The following TNR variants were observed in gnomAD, a reference collection of about 807,000 sequenced individuals.
The protein encoded by TNR is tenascin-R.
Under a neutral mutation model 150.4 loss-of-function variants are expected in TNR, and 45 were observed. That is an observed-to-expected ratio of 0.30 (90% CI 0.24 to 0.38). TNR has a LOEUF of 0.38. Ranked by LOEUF, TNR falls within the 10% of genes least tolerant of loss-of-function variation. The pLI, the probability that TNR is intolerant of heterozygous loss-of-function variation, is 1.00. For missense variants in TNR, 1,544 were observed against 1,759.1 expected, an observed-to-expected ratio of 0.88 and a Z score of 2.19; for synonymous variants, 687 against 678.4, an observed-to-expected ratio of 1.01 and a Z score of -0.20.
intron 4 of TNR, among the ~76,000 whole-genome samples, chr1:175,399,638 T>C (rs1280802164): frequency 6.6e-6 from 1 of 152,160 alleles, no homozygotes; most frequent in South Asian, 2.1e-4. Flanking sequence ...TATATTGAAC[T>C]GTACTGCAAA....
intron 2 of TNR, among the ~76,000 whole-genome samples, chr1:175,454,558 C>T (rs774407266): frequency 6.6e-6 from 1 of 151,926 alleles, no homozygotes; most frequent in Admixed American, 6.6e-5. Context: ...GCAACCTCCC[C>T]TCTCCTGGGT....
At chr1:175,726,799 T>G (rs999247495) in intron 1 of TNR, among the ~76,000 whole-genome samples, 2 of 152,264 alleles carry the variant, frequency 1.3e-5, no homozygotes, top group African/African-American at 4.8e-5. Context: ...AAAAATTTAT[T>G]TGATAGCATG....
At chr1:175,636,368 G>C (rs923192746) in intron 1 of TNR, among the ~76,000 whole-genome samples, 4 of 152,068 alleles carry the variant, frequency 2.6e-5, no homozygotes, top group African/African-American at 9.7e-5. Flanking sequence ...CTCAGTCATA[G>C]TTTCTCCCTG....
At chr1:175,504,235 C>T (rs1274609790) in intron 2 of TNR, among the ~76,000 whole-genome samples, 3 of 152,144 alleles carry the variant, frequency 2.0e-5, no homozygotes, top group Non-Finnish European at 4.4e-5. Flanking sequence ...AACCAATACT[C>T]AATGAGTGGC....
chr1:175,741,710 G>A (rs1295747822), intron 1 of TNR, among the ~76,000 whole-genome samples: 1 of 152,146 alleles, frequency 6.6e-6, no homozygotes, highest in Non-Finnish European at 1.5e-5. Context: ...GAAAAGTGGT[G>A]CCATTTCACT....
chr1:175,659,709 T>C (rs1295047138), intron 1 of TNR, among the ~76,000 whole-genome samples: 2 of 152,114 alleles, frequency 1.3e-5, no homozygotes, highest in African/African-American at 4.8e-5. Context: ...TCTCACAGCG[T>C]CATTCTGTGG....
intron 2 of TNR, among the ~76,000 whole-genome samples, chr1:175,497,780 C>A (rs533130737): frequency 1.3e-5 from 2 of 152,318 alleles, no homozygotes; most frequent in Admixed American, 1.3e-4. Flanking sequence ...CACCTCCTGG[C>A]TGGGCATGGT....
chr1:175,606,618 G>A (rs955913465), intron 1 of TNR, among the ~76,000 whole-genome samples: 9 of 152,274 alleles, frequency 5.9e-5, no homozygotes, highest in African/African-American at 2.2e-4. Context: ...TCCTGAACAT[G>A]ACTTATGGAT....
intron 1 of TNR, among the ~76,000 whole-genome samples, chr1:175,716,319 T>C (rs983786236): frequency 1.4e-4 from 21 of 152,218 alleles, no homozygotes; most frequent in Non-Finnish European, 2.8e-4. Context: ...GGCCTAATAA[T>C]CATTGCCTTT....
At chr1:175,507,096 G>T (rs1658986370) in intron 2 of TNR, among the ~76,000 whole-genome samples, 1 of 152,200 alleles carries the variant, frequency 6.6e-6, no homozygotes, top group South Asian at 2.1e-4. Flanking sequence ...CTCAGTGTTT[G>T]CAAAGCCCTT....
intron 1 of TNR, among the ~76,000 whole-genome samples, chr1:175,561,834 C>T (rs1364358710): frequency 6.6e-6 from 1 of 152,088 alleles, no homozygotes; most frequent in Admixed American, 6.5e-5. Flanking sequence ...GTACACAGTC[C>T]CTTATTCTGG....
intron 1 of TNR, among the ~76,000 whole-genome samples, chr1:175,716,311 C>T (rs918357854): frequency 7.9e-5 from 12 of 152,154 alleles, no homozygotes; most frequent in Admixed American, 7.9e-4. Context: ...TGTCTGATGG[C>T]CTAATAATCA....
chr1:175,640,999 T>C (rs1327572157), intron 1 of TNR, among the ~76,000 whole-genome samples: 1 of 152,140 alleles, frequency 6.6e-6, no homozygotes, highest in Non-Finnish European at 1.5e-5. Flanking sequence ...CAAGCTGTCT[T>C]CTACATTATA....
intron 2 of TNR, among the ~76,000 whole-genome samples, chr1:175,436,255 C>A (rs1053146099): frequency 6.6e-6 from 1 of 152,160 alleles, no homozygotes; most frequent in African/African-American, 2.4e-5. Flanking sequence ...TTCCATTCTC[C>A]CCGTCACTTT....
chr1:175,340,565 T>G (rs1226431467), intron 18 of TNR, among the ~76,000 whole-genome samples: 1 of 152,238 alleles, frequency 6.6e-6, no homozygotes, highest in Non-Finnish European at 1.5e-5. Context: ...CTAATGGTTC[T>G]CAGACTGGGA....
At chr1:175,487,007 T>C (rs1658045665) in intron 2 of TNR, among the ~76,000 whole-genome samples, 1 of 152,254 alleles carries the variant, frequency 6.6e-6, no homozygotes, top group Non-Finnish European at 1.5e-5. Context: ...AAGTTCTTTG[T>C]AGATTCTGGA....
chr1:175,657,671 C>CA (rs1168619509), intron 1 of TNR, among the ~76,000 whole-genome samples: 2 of 145,172 alleles, frequency 1.4e-5, no homozygotes, highest in South Asian at 2.2e-4. Context: ...ATCACAAGGA[C>CA]AAAAAACCAA....
At chr1:175,520,688 CTCTT>C (rs1274726748) in intron 2 of TNR, among the ~76,000 whole-genome samples, 1 of 152,034 alleles carries the variant, frequency 6.6e-6, no homozygotes, top group African/African-American at 2.4e-5. Flanking sequence ...CTCTCTCTCT[CTCTT>C]TCTCTCTCTC....
intron 1 of TNR, among the ~76,000 whole-genome samples, chr1:175,535,792 A>C (rs779775099): frequency 1.3e-5 from 2 of 152,218 alleles, no homozygotes; most frequent in Non-Finnish European, 2.9e-5. Context: ...ATCAAGCTTT[A>C]TGGCAGTGGT....
Sources: gnomAD v4.1 joint callset for allele counts (sites outside exome capture counted in the v4.1 genomes callset) on GRCh38, gnomAD v4.1.1 for gene constraint, MANE v1.5 for transcripts, NCBI Gene and HGNC (gene_info 2026-07-23, HGNC 2026-07-21) for gene names.